Variants in SESTD1 observed in about 807,000 individuals in gnomAD.
The protein encoded by SESTD1 is SEC14 and spectrin domain containing 1, also known as SEC14 domain and spectrin repeat-containing protein 1.
SESTD1 carries 43 observed loss-of-function variants against 101.7 expected under a neutral mutation model. The observed-to-expected ratio is 0.42, with a 90% CI of 0.33 to 0.55. The LOEUF (loss-of-function observed/expected upper bound fraction) is 0.55, where lower values mean the gene tolerates loss of function less well. Among genes scored for constraint, SESTD1 ranks in the 20% least tolerant of loss-of-function variants. The probability of loss-of-function intolerance (pLI) is 0.07; values close to 1 mark genes in which losing one functional copy is unlikely to be tolerated. For missense variants in SESTD1, 647 were observed against 815.1 expected (o/e 0.79, Z 2.51); for synonymous variants, 283 against 286.8 (o/e 0.99, Z 0.13).
At chr2:179,185,713 A>ATAATATAGTATATTATATACAATATG (rs2046212467) in intron 2 of SESTD1, among the ~76,000 whole-genome samples, 2 of 120,330 alleles carry the variant, frequency 1.7e-5, no homozygotes, top group Non-Finnish European at 3.2e-5. Flanking sequence ...TATACAATAT[A>ATAATATAGTATATTATATACAATATG]TAATATAGCA....
intron 9 of SESTD1, among the ~76,000 whole-genome samples, chr2:179,141,458 CTCA>C (rs2045272749): frequency 6.6e-6 from 1 of 152,022 alleles, no homozygotes; most frequent in South Asian, 2.1e-4. Context: ...CCTATTTTTA[CTCA>C]TCATGACATT....
chr2:179,226,885 A>C (rs893130580), intron 1 of SESTD1, among the ~76,000 whole-genome samples: 5 of 152,228 alleles, frequency 3.3e-5, no homozygotes, highest in Non-Finnish European at 7.3e-5. Context: ...CAGCTTTCTC[A>C]GTTAGGTGCC....
intron 1 of SESTD1, among the ~76,000 whole-genome samples, chr2:179,227,187 T>C (rs755397440): frequency 3.9e-5 from 6 of 152,232 alleles, no homozygotes; most frequent in Non-Finnish European, 7.3e-5. Flanking sequence ...TTTCATTATC[T>C]ATATTTCAAA....
intron 2 of SESTD1, among the ~76,000 whole-genome samples, chr2:179,185,107 A>T (rs2046188329): frequency 6.6e-6 from 1 of 152,030 alleles, no homozygotes; most frequent in Non-Finnish European, 1.5e-5. Flanking sequence ...TGGAAAAAAT[A>T]GGAATTGAAA....
chr2:179,119,678 G>A (rs1359512052), intron 13 of SESTD1, among the ~76,000 whole-genome samples: 4 of 152,144 alleles, frequency 2.6e-5, no homozygotes, highest in Non-Finnish European at 5.9e-5. Context: ...CAAGGGGCCT[G>A]GTGGGAGATG....
chr2:179,247,350 T>C (rs2047249007), intron 1 of SESTD1, among the ~76,000 whole-genome samples: 3 of 152,202 alleles, frequency 2.0e-5, no homozygotes, highest in South Asian at 2.1e-4. Flanking sequence ...TAAGTTCTTA[T>C]AACATTTACA....
intron 5 of SESTD1, among the ~76,000 whole-genome samples, chr2:179,167,103 AC>A: frequency 6.6e-6 from 1 of 152,244 alleles, no homozygotes; most frequent in Non-Finnish European, 1.5e-5. Context: ...AGATATAGGG[AC>A]TATCAGATAG....
At chr2:179,190,546 T>C (rs988306370) in intron 2 of SESTD1, among the ~76,000 whole-genome samples, 17 of 152,076 alleles carry the variant, frequency 1.1e-4, no homozygotes, top group African/African-American at 3.4e-4. Context: ...AAGTAGGACG[T>C]AATTAAACTA....
chr2:179,136,422 G>A (rs770418326), intron 9 of SESTD1, among the ~76,000 whole-genome samples: 5 of 152,028 alleles, frequency 3.3e-5, no homozygotes, highest in South Asian at 2.1e-4. Flanking sequence ...TACTGTATCC[G>A]ACACTTTAAG....
chr2:179,221,924 A>T (rs2046821244), intron 1 of SESTD1, among the ~76,000 whole-genome samples: 1 of 152,150 alleles, frequency 6.6e-6, no homozygotes, highest in Non-Finnish European at 1.5e-5. Flanking sequence ...TGTCTCAAAA[A>T]AAAAAATTAA....
chr2:179,145,535 G>A (rs957927566), intron 8 of SESTD1, among the ~76,000 whole-genome samples: 1 of 152,118 alleles, frequency 6.6e-6, no homozygotes, highest in Non-Finnish European at 1.5e-5. Flanking sequence ...TAAAATTGAG[G>A]TATTTCAATT....
chr2:179,212,885 C>A (rs1232814280), intron 1 of SESTD1, among the ~76,000 whole-genome samples: 3 of 134,994 alleles, frequency 2.2e-5, no homozygotes, highest in Admixed American at 7.2e-5. Context: ...CAAACTCCAA[C>A]AGACCTGCAG....
chr2:179,194,151 C>T (rs986999246), intron 1 of SESTD1, among the ~76,000 whole-genome samples: 1 of 152,206 alleles, frequency 6.6e-6, no homozygotes, highest in African/African-American at 2.4e-5. Flanking sequence ...AAACCACCTT[C>T]ACATTCAATT....
intron 1 of SESTD1, among the ~76,000 whole-genome samples, chr2:179,220,818 A>G (rs1036459414): frequency 2.0e-5 from 3 of 152,028 alleles, no homozygotes; most frequent in African/African-American, 4.8e-5. Flanking sequence ...TTCTCTCCCA[A>G]TCTTCCTCCT....
chr2:179,152,224 A>T (rs1449830747), intron 5 of SESTD1, among the ~76,000 whole-genome samples: 4 of 152,248 alleles, frequency 2.6e-5, no homozygotes, highest in Non-Finnish European at 5.9e-5. Flanking sequence ...AAAGCCAGAC[A>T]ATCTGCAAAA....
intron 7 of SESTD1, among the ~76,000 whole-genome samples, chr2:179,148,257 G>C (rs541782986): frequency 1.3e-5 from 2 of 152,154 alleles, no homozygotes; most frequent in African/African-American, 4.8e-5. Flanking sequence ...GAGACAGATC[G>C]GATGACAGGG....
intron 1 of SESTD1, among the ~76,000 whole-genome samples, chr2:179,245,010 A>G (rs1025670197): frequency 5.3e-5 from 8 of 152,258 alleles, no homozygotes; most frequent in Non-Finnish European, 8.8e-5. Flanking sequence ...CCACCAAAAA[A>G]GATACACAAA....
intron 10 of SESTD1, 90 bp downstream of exon 10, chr2:179,132,214 T>G: frequency 7.1e-7 from 1 of 1,408,004 alleles, no homozygotes; most frequent in Non-Finnish European, 9.3e-7. Flanking sequence ...ATACCAAAGT[T>G]TGCAGCAACT....
At chr2:179,149,645 C>T (rs2045476185) in intron 6 of SESTD1, among the ~76,000 whole-genome samples, 1 of 152,064 alleles carries the variant, frequency 6.6e-6, no homozygotes, top group Non-Finnish European at 1.5e-5. Context: ...CTTCATTCTC[C>T]ATTCAGATAC....
Sources: allele counts gnomAD v4.1 joint callset (sites outside exome capture counted in the v4.1 genomes callset), GRCh38; gene constraint gnomAD v4.1.1; transcripts MANE v1.5; gene names NCBI Gene and HGNC (gene_info 2026-07-23, HGNC 2026-07-21).